Variants in LSAMP observed in about 807,000 individuals in gnomAD.
LSAMP encodes the protein limbic system-associated membrane protein.
A neutral mutation model predicts 38.6 loss-of-function variants in LSAMP; 7 were observed. That is an observed-to-expected ratio of 0.18 (90% confidence interval 0.10 to 0.34). The LOEUF (loss-of-function observed/expected upper bound fraction) is 0.34. LSAMP is among the 10% of genes least tolerant of loss of function. The pLI, the probability that LSAMP is intolerant of heterozygous loss-of-function variation, is 1.00. For missense variants in LSAMP, 313 were observed against 420.0 expected, an observed-to-expected ratio of 0.75 and a Z score of 2.23; for synonymous variants, 154 against 166.8, an observed-to-expected ratio of 0.92 and a Z score of 0.59.
intron 2 of LSAMP, among the ~76,000 whole-genome samples, chr3:116,082,532 C>G (rs561062048): frequency 6.6e-6 from 1 of 152,138 alleles, no homozygotes; most frequent in Admixed American, 6.5e-5. Context: ...TCAGCCTATA[C>G]AAGAATCACA....
chr3:116,395,885 T>A (rs1448889184), intron 1 of LSAMP, among the ~76,000 whole-genome samples: 1 of 152,108 alleles, frequency 6.6e-6, no homozygotes, highest in African/African-American at 2.4e-5. Context: ...CCCTTGACTA[T>A]CCAAATATAT....
intron 3 of LSAMP, among the ~76,000 whole-genome samples, chr3:115,968,506 GA>G (rs1308705767): frequency 6.6e-6 from 1 of 152,130 alleles, no homozygotes; most frequent in Non-Finnish European, 1.5e-5. Flanking sequence ...GTAGGACCTG[GA>G]ATGGGGACCT....
chr3:116,330,892 C>A (rs2047842521), intron 1 of LSAMP, among the ~76,000 whole-genome samples: 1 of 151,924 alleles, frequency 6.6e-6, no homozygotes, highest in African/African-American at 2.4e-5. Flanking sequence ...GGTAGTATGG[C>A]ACATTCAGAT....
intron 3 of LSAMP, among the ~76,000 whole-genome samples, chr3:115,998,417 T>C (rs1009424638): frequency 1.3e-5 from 2 of 152,098 alleles, no homozygotes; most frequent in African/African-American, 4.8e-5. Flanking sequence ...ATGATGGGAT[T>C]GAACTGGTGT....
chr3:115,822,059 A>T (rs1428564793), intron 6 of LSAMP, among the ~76,000 whole-genome samples: 1 of 152,218 alleles, frequency 6.6e-6, no homozygotes, highest in Admixed American at 6.5e-5. Flanking sequence ...CAGAGGCTTT[A>T]GGGATTAGCA....
intron 1 of LSAMP, among the ~76,000 whole-genome samples, chr3:116,440,722 T>G (rs1361857068): frequency 6.6e-6 from 1 of 152,260 alleles, no homozygotes; most frequent in East Asian, 1.9e-4. Flanking sequence ...CTAAGTATAT[T>G]TGATAAAGGA....
chr3:116,316,571 G>A (rs1438834585), intron 1 of LSAMP, among the ~76,000 whole-genome samples: 1 of 151,968 alleles, frequency 6.6e-6, no homozygotes, highest in East Asian at 1.9e-4. Context: ...AGGAGTTCGA[G>A]ACCAGCCTGG....
At chr3:115,881,993 TCCCA>T (rs1936335326) in intron 3 of LSAMP, among the ~76,000 whole-genome samples, 1 of 152,118 alleles carries the variant, frequency 6.6e-6, no homozygotes, top group Non-Finnish European at 1.5e-5. Context: ...ATTTCCCTGC[TCCCA>T]AGTGATTAAT....
intron 1 of LSAMP, among the ~76,000 whole-genome samples, chr3:116,166,456 T>C (rs1272698422): frequency 1.3e-5 from 2 of 152,238 alleles, no homozygotes; most frequent in Non-Finnish European, 2.9e-5. Flanking sequence ...CCACAGTCTA[T>C]GCTCCTAGGA....
At chr3:116,005,488 C>T (rs1940130058) in intron 3 of LSAMP, among the ~76,000 whole-genome samples, 1 of 152,092 alleles carries the variant, frequency 6.6e-6, no homozygotes, top group South Asian at 2.1e-4. Context: ...TTGGCAGAAC[C>T]ACACCTTTGA....
chr3:115,874,079 A>G (rs768929315), intron 3 of LSAMP, among the ~76,000 whole-genome samples: 9 of 152,142 alleles, frequency 5.9e-5, no homozygotes, highest in Non-Finnish European at 1.2e-4. Flanking sequence ...TTTTTATTAT[A>G]TATTTACATC....
At chr3:116,431,173 T>C (rs1040522968) in intron 1 of LSAMP, among the ~76,000 whole-genome samples, 1 of 151,972 alleles carries the variant, frequency 6.6e-6, no homozygotes, top group African/African-American at 2.4e-5. Context: ...GAGACCTCTA[T>C]CACTATCAAT....
chr3:116,241,757 A>G (rs757032644), intron 1 of LSAMP, among the ~76,000 whole-genome samples: 8 of 152,226 alleles, frequency 5.3e-5, no homozygotes, highest in Non-Finnish European at 1.0e-4. Flanking sequence ...TGCATCTACA[A>G]TCAGCAAATG....
chr3:115,890,185 G>T (rs1478344266), intron 3 of LSAMP, among the ~76,000 whole-genome samples: 1 of 151,850 alleles, frequency 6.6e-6, no homozygotes, highest in Non-Finnish European at 1.5e-5. Context: ...AGCATCCACG[G>T]CTCTATATGC....
chr3:116,391,112 C>G (rs1195515148), intron 1 of LSAMP, among the ~76,000 whole-genome samples: 1 of 152,324 alleles, frequency 6.6e-6, no homozygotes, highest in East Asian at 1.9e-4. Context: ...TGGGGTTCTT[C>G]CCATTGGTTA....
At chr3:116,235,610 T>C (rs918572231) in intron 1 of LSAMP, among the ~76,000 whole-genome samples, 1 of 152,182 alleles carries the variant, frequency 6.6e-6, no homozygotes. Flanking sequence ...GAAAAGGAAA[T>C]GACATTCCAA....
intron 1 of LSAMP, among the ~76,000 whole-genome samples, chr3:116,210,153 G>A (rs2046136211): frequency 6.6e-6 from 1 of 152,166 alleles, no homozygotes; most frequent in Non-Finnish European, 1.5e-5. Flanking sequence ...TTGTGATGCT[G>A]TTGATGATGG....
At chr3:116,183,287 A>C (rs1185866671) in intron 1 of LSAMP, among the ~76,000 whole-genome samples, 1 of 151,934 alleles carries the variant, frequency 6.6e-6, no homozygotes, top group African/African-American at 2.4e-5. Context: ...TAAGTACCAG[A>C]GAAATTCAAT....
intron 1 of LSAMP, among the ~76,000 whole-genome samples, chr3:116,303,568 G>A (rs1204147088): frequency 6.6e-6 from 1 of 152,098 alleles, no homozygotes; most frequent in African/African-American, 2.4e-5. Context: ...AATTTGAAGA[G>A]CACTGAGTTA....
Sources: gnomAD v4.1 joint callset for allele counts (sites outside exome capture counted in the v4.1 genomes callset) on GRCh38, gnomAD v4.1.1 for gene constraint, MANE v1.5 for transcripts, NCBI Gene and HGNC (gene_info 2026-07-23, HGNC 2026-07-21) for gene names.